The following SCAI variants were observed in gnomAD, a reference collection of about 807,000 sequenced individuals.
SCAI encodes suppressor of cancer cell invasion, also known as protein SCAI.
Under a neutral mutation model 92.2 loss-of-function variants are expected in SCAI, and 24 were observed. That is an observed-to-expected ratio of 0.26 (90% CI 0.19 to 0.37). SCAI has a LOEUF of 0.37. SCAI is among the 10% of genes least tolerant of loss of function. The pLI is 1.00. For missense variants in SCAI, 450 were observed against 736.2 expected (o/e 0.61, Z 4.50); for synonymous variants, 261 against 258.6 (o/e 1.01, Z -0.09).
chr9:124,971,352 A>G lies in SCAI; in HGVS notation c.1674+18T>C. 6.7e-7 allele frequency: 1 copy of G among 1,489,424 alleles called. No homozygotes were observed. Among genetic ancestry groups the G allele is most frequent in the Non-Finnish European group, 9.3e-7 (1 of 1,078,560 alleles). The allele number at this position is 1,489,424 out of a possible 1,614,324, so 92.3% of individuals were successfully genotyped here. The stretch of plus-strand genomic sequence containing the variant: ...CCTAAAATGATAAAATTCGTCTTTA[A>G]TAATGTTCTTTGCCTACCCGAAAAA... On this transcript the variant is annotated intron_variant, in intron 17 of 17. Transcript: ENST00000336505.
intron 2 of SCAI, among the ~76,000 whole-genome samples, chr9:125,078,659 T>C (rs1266987941): frequency 2.6e-5 from 4 of 152,172 alleles, no homozygotes; most frequent in Non-Finnish European, 5.9e-5. Flanking sequence ...CTCACACTTA[T>C]AATCCCAGCG....
chr9:124,975,528 G>A, intron 15 of SCAI: 1 of 254,898 alleles, frequency 3.9e-6, no homozygotes, highest in Non-Finnish European at 8.1e-6. Flanking sequence ...AAATTATTAA[G>A]GACAAAAAGT....
chr9:125,028,488 A>G lies in SCAI; in HGVS notation c.327-10T>C, dbSNP rs745618195. ...ATTATCCAAGACTTGTCTGTTTTAT[A>G]TAGGATACAAGAAAATAGAAATGAG... is the stretch of plus-strand genomic sequence containing the variant. On this transcript the variant is annotated splice_polypyrimidine_tract_variant and intron_variant, in intron 4 of 17. Coordinates refer to ENST00000336505, the MANE Select transcript of SCAI (RefSeq NM_001144877.3). 1.4e-5 allele frequency: 21 copies of G among 1,489,996 alleles called. No homozygotes were observed. The highest frequency in any genetic ancestry group is 1.9e-5 in the Non-Finnish European group (21 of 1,103,252). 92.3% of individuals were successfully genotyped at this position (1,489,996 alleles called of 1,614,324 possible).
chr9:124,959,537 C>CATAT (rs988962047), intron 17 of SCAI, among the ~76,000 whole-genome samples: 12 of 143,730 alleles, frequency 8.3e-5, no homozygotes, highest in African/African-American at 2.6e-4. Flanking sequence ...TATATACACA[C>CATAT]ATATATATAT....
At chr9:124,963,217 A>G (rs970607276) in intron 17 of SCAI, among the ~76,000 whole-genome samples, 12 of 150,440 alleles carry the variant, frequency 8.0e-5, no homozygotes, top group African/African-American at 2.7e-4. Flanking sequence ...GCTCACTGCA[A>G]CCTCTGCCTC....
chr9:125,031,631 C>A (rs926371278), intron 3 of SCAI, among the ~76,000 whole-genome samples: 2 of 152,138 alleles, frequency 1.3e-5, no homozygotes, highest in East Asian at 1.9e-4. Context: ...TTGGGGAATT[C>A]GTATTTTTTC....
At chr9:124,959,505 C>T (rs10986493) in intron 17 of SCAI, among the ~76,000 whole-genome samples, 2 of 145,960 alleles carry the variant, frequency 1.4e-5, no homozygotes, top group Middle Eastern at 3.3e-3. Flanking sequence ...TATATATACA[C>T]ATATATATAT....
At chr9:125,138,507 C>A (rs181955370) in intron 2 of SCAI, among the ~76,000 whole-genome samples, 3 of 151,854 alleles carry the variant, frequency 2.0e-5, no homozygotes, top group Non-Finnish European at 4.4e-5. Flanking sequence ...CTTTGCCTCC[C>A]GGGTTCACGT....
At chr9:124,983,458 T>C (rs1831927705) in intron 14 of SCAI, among the ~76,000 whole-genome samples, 1 of 152,186 alleles carries the variant, frequency 6.6e-6, no homozygotes, top group Non-Finnish European at 1.5e-5. Flanking sequence ...TTCAAGCAAC[T>C]CTCCCTGCCT....
In SCAI at chr9:124,994,941, G is replaced by A. The variant is rs1203988885; in HGVS notation, c.1319C>T (p.Ala440Val). Residue 440 changes from alanine to valine, a missense_variant, in exon 14 of 18, where the codon GCG (alanine) becomes GTG (valine). Ala to Val is a moderately conservative substitution (Grantham distance 64). Coordinates refer to ENST00000336505, the MANE Select transcript of SCAI (RefSeq NM_001144877.3). ...FIIVDSSNSV[A>V]YKNFTNLFGQ... ...AGCTCTCATGGAACTCACCTTATACGCAACACTATTAGACGAATCCACAAT... is the reference window on the plus strand; with the variant it reads ...AGCTCTCATGGAACTCACCTTATACACAACACTATTAGACGAATCCACAAT... 4.3e-6 allele frequency: 7 copies of A among 1,610,730 alleles called. No individual in the cohort carries two copies. The highest frequency in any genetic ancestry group is 2.7e-5 in the African/African-American group (2 of 74,840).
chr9:125,046,121 G>A (rs971675792), intron 3 of SCAI, among the ~76,000 whole-genome samples: 1 of 137,922 alleles, frequency 7.3e-6, no homozygotes, highest in Non-Finnish European at 1.5e-5. Context: ...GGTTATAATG[G>A]CACAATTTGC....
chr9:125,123,404 CTT>C (rs1372331682), intron 2 of SCAI, among the ~76,000 whole-genome samples: 1 of 151,832 alleles, frequency 6.6e-6, no homozygotes, highest in Non-Finnish European at 1.5e-5. Context: ...AATCTAAAAT[CTT>C]TATTTTTGGC....
chr9:125,117,622 C>T (rs1360109117), intron 2 of SCAI, among the ~76,000 whole-genome samples: 1 of 136,492 alleles, frequency 7.3e-6, no homozygotes, highest in East Asian at 2.3e-4. Flanking sequence ...GCCGAGATCA[C>T]ACCACTGCAC....
chr9:124,948,392 G>A lies in SCAI; in HGVS notation c.*4415C>T, dbSNP rs1588109856. 1 of 152,210 alleles carries A rather than the reference G, an allele frequency of 6.6e-6. No homozygotes were observed. The highest frequency in any genetic ancestry group is 1.9e-4 in the East Asian group (1 of 5,208). The allele number at this position is 152,210 out of a possible 1,614,324, so 9.4% of individuals were successfully genotyped here. ...AGAGAAACACACACATGCAAATGAA[G>A]AATACATCCTGGCTAGAATAAAAGA... On this transcript the variant is annotated 3_prime_UTR_variant, in exon 18 of 18. Transcript: ENST00000336505.
chr9:124,953,210 A>G (rs1831258363), intron 17 of SCAI, among the ~76,000 whole-genome samples: 1 of 152,194 alleles, frequency 6.6e-6, no homozygotes, highest in Non-Finnish European at 1.5e-5. Context: ...TTGTTGCTAG[A>G]CACTATGCTC....
intron 2 of SCAI, among the ~76,000 whole-genome samples, chr9:125,108,669 C>G (rs1414694201): frequency 1.2e-4 from 18 of 145,446 alleles, no homozygotes; most frequent in Non-Finnish European, 2.4e-4. Context: ...GGAGCCCCTC[C>G]GCCCGGCAGC....
chr9:125,065,759 G>A (rs1833857841), intron 2 of SCAI, among the ~76,000 whole-genome samples: 1 of 152,196 alleles, frequency 6.6e-6, no homozygotes, highest in Non-Finnish European at 1.5e-5. Context: ...TTTTAGGAAT[G>A]TAAAGTTGGT....
Position 124,952,757 on chromosome 9 carries a change from T to C in SCAI, c.*50A>G. 1 of 1,534,240 alleles carries C rather than the reference T, an allele frequency of 6.5e-7. No individual in the cohort carries two copies. The highest frequency in any genetic ancestry group is 9.0e-7 in the Non-Finnish European group (1 of 1,117,036). The stretch of plus-strand genomic sequence containing the variant: ...CTTATCACGTTAGAAAACTGCACCA[T>C]TTAAAATTTGTGGAAAATGAAAACT... On this transcript the variant is annotated 3_prime_UTR_variant, in exon 18 of 18. Transcript: ENST00000336505.
At chr9:125,095,830 C>G (rs1398845813) in intron 2 of SCAI, among the ~76,000 whole-genome samples, 2 of 152,110 alleles carry the variant, frequency 1.3e-5, no homozygotes, top group Non-Finnish European at 2.9e-5. Context: ...CAAAACAAAA[C>G]AAAAGAATAG....
Sources: allele counts gnomAD v4.1 joint callset (sites outside exome capture counted in the v4.1 genomes callset), GRCh38; gene constraint gnomAD v4.1.1; transcripts MANE v1.5; gene names NCBI Gene and HGNC (gene_info 2026-07-23, HGNC 2026-07-21).